The following TSPAN5 variants were observed in gnomAD, a reference collection of about 807,000 sequenced individuals.
The protein encoded by TSPAN5 is tetraspanin 5.
TSPAN5 carries 10 observed loss-of-function variants against 37.1 expected under a neutral mutation model. That is an observed-to-expected ratio of 0.27 (90% CI 0.17 to 0.46). The LOEUF (loss-of-function observed/expected upper bound fraction) is 0.46, where lower values mean the gene tolerates loss of function less well. Ranked by LOEUF, TSPAN5 falls within the 20% of genes least tolerant of loss-of-function variation. The pLI, the probability that TSPAN5 is intolerant of heterozygous loss-of-function variation, is 1.00. For synonymous variants in TSPAN5, 110 were observed against 118.9 expected (o/e 0.93, Z 0.48); for missense variants, 195 against 326.6 (o/e 0.60, Z 3.11).
chr4:98,553,404 A>G (rs551011152), intron 1 of TSPAN5, among the ~76,000 whole-genome samples: 2 of 152,346 alleles, frequency 1.3e-5, no homozygotes, highest in African/African-American at 4.8e-5. Flanking sequence ...ATTACAGAAA[A>G]TTAGAACAAA....
At chr4:98,547,234 G>A (rs185514970) in intron 1 of TSPAN5, among the ~76,000 whole-genome samples, 21 of 152,336 alleles carry the variant, frequency 1.4e-4, no homozygotes, top group Admixed American at 1.4e-3. Context: ...CGCCCAGGAA[G>A]AGGACACTTC....
intron 1 of TSPAN5, among the ~76,000 whole-genome samples, chr4:98,547,702 T>A (rs1001874569): frequency 6.6e-6 from 1 of 152,000 alleles, no homozygotes; most frequent in Non-Finnish European, 1.5e-5. Context: ...TACACATCCT[T>A]ACTCAGGAAA....
At chr4:98,649,837 A>G (rs1187558367) in intron 1 of TSPAN5, among the ~76,000 whole-genome samples, 1 of 152,294 alleles carries the variant, frequency 6.6e-6, no homozygotes, top group Admixed American at 6.5e-5. Context: ...AACGTGTTTC[A>G]TTCTGGTTGC....
intron 1 of TSPAN5, among the ~76,000 whole-genome samples, chr4:98,633,210 A>C (rs1392415296): frequency 6.6e-6 from 1 of 152,236 alleles, no homozygotes; most frequent in Admixed American, 6.5e-5. Flanking sequence ...AAAATGCCTT[A>C]GGGTGGCCTT....
intron 7 of TSPAN5, among the ~76,000 whole-genome samples, chr4:98,475,697 AAC>A (rs1412377814): frequency 1.3e-5 from 2 of 152,206 alleles, no homozygotes; most frequent in East Asian, 3.9e-4. Flanking sequence ...GCTTTAATAA[AAC>A]ACAAATCAGG....
intron 1 of TSPAN5, among the ~76,000 whole-genome samples, chr4:98,642,499 T>C (rs1176802604): frequency 6.6e-6 from 1 of 152,220 alleles, no homozygotes; most frequent in East Asian, 1.9e-4. Flanking sequence ...AAGTTTCATT[T>C]AGTTTGCATA....
rs374894496 is a variant in TSPAN5, at chr4:98,543,471, A to G, written c.82-35743T>C. ...CCCTCTGTCGCCCAGACTAGAGTGC[A>G]GTGGCGTGATCTCGGCTCACCACAA... is the stretch of plus-strand genomic sequence containing the variant. On this transcript the variant is annotated intron_variant, in intron 1 of 7. Transcript: ENST00000305798. Among the ~76,000 whole-genome samples the G allele has an allele frequency of 9.4e-4, 142 of 150,698 alleles. 2 individuals carry two copies. The highest frequency in any genetic ancestry group is 3.3e-3 in the African/African-American group (134 of 40,888).
chr4:98,479,084 G>A (rs1440545230), intron 4 of TSPAN5, among the ~76,000 whole-genome samples: 2 of 152,152 alleles, frequency 1.3e-5, no homozygotes, highest in East Asian at 3.9e-4. Context: ...TGTACAGCAG[G>A]GCTCAGTTAG....
chr4:98,535,611 A>G (rs1425972027), intron 1 of TSPAN5, among the ~76,000 whole-genome samples: 1 of 152,124 alleles, frequency 6.6e-6, no homozygotes, highest in Admixed American at 6.6e-5. Flanking sequence ...CTCCTGGATA[A>G]TATCCTGGAG....
intron 1 of TSPAN5, among the ~76,000 whole-genome samples, chr4:98,525,893 G>A (rs1753950575): frequency 6.6e-6 from 1 of 152,112 alleles, no homozygotes; most frequent in African/African-American, 2.4e-5. Flanking sequence ...AGGACTTACT[G>A]TATCTGTATA....
At chr4:98,548,030 A>G (rs1311153308) in intron 1 of TSPAN5, among the ~76,000 whole-genome samples, 4 of 144,584 alleles carry the variant, frequency 2.8e-5, no homozygotes, top group African/African-American at 1.1e-4. Context: ...AAAAAAAAGA[A>G]AAAGAAAAAG....
intron 4 of TSPAN5, among the ~76,000 whole-genome samples, chr4:98,481,228 T>C (rs1752832002): frequency 6.6e-6 from 1 of 152,196 alleles, no homozygotes; most frequent in Non-Finnish European, 1.5e-5. Context: ...CAGTAGCTAG[T>C]ATTATTTCCA....
chr4:98,540,228 C>T (rs187073126), intron 1 of TSPAN5, among the ~76,000 whole-genome samples: 7 of 152,310 alleles, frequency 4.6e-5, no homozygotes, highest in African/African-American at 1.7e-4. Flanking sequence ...TTCAGTGATC[C>T]AAGTTTCTAC....
chr4:98,539,142 CAA>C (rs36115789), intron 1 of TSPAN5, among the ~76,000 whole-genome samples: 52 of 136,924 alleles, frequency 3.8e-4, no homozygotes, highest in Non-Finnish European at 4.0e-4. Flanking sequence ...TCACCCCCAC[CAA>C]AAAAAAAAAA....
chr4:98,489,224 C>T (rs978786609), intron 2 of TSPAN5, among the ~76,000 whole-genome samples: 2 of 152,162 alleles, frequency 1.3e-5, no homozygotes, highest in African/African-American at 2.4e-5. Flanking sequence ...CTGGATTTCC[C>T]AGGCCGAATA....
intron 1 of TSPAN5, among the ~76,000 whole-genome samples, chr4:98,608,575 G>C (rs1312357644): frequency 2.0e-5 from 3 of 152,070 alleles, no homozygotes; most frequent in Non-Finnish European, 4.4e-5. Flanking sequence ...GGAAGAACGA[G>C]GCCCAGGTCA....
At chr4:98,532,420 G>T (rs1329323256) in intron 1 of TSPAN5, among the ~76,000 whole-genome samples, 42 of 152,094 alleles carry the variant, frequency 2.8e-4, no homozygotes, top group Non-Finnish European at 2.9e-5. Context: ...CTTGTAAGTT[G>T]GATTCCTAGG....
At chr4:98,616,491 AAAAACAAAAC>A (rs1348254836) in intron 1 of TSPAN5, among the ~76,000 whole-genome samples, 2 of 152,156 alleles carry the variant, frequency 1.3e-5, no homozygotes, top group Admixed American at 6.5e-5. Context: ...AGAGCTGTTT[AAAAACAAAAC>A]AAAACAAAAT....
chr4:98,626,120 C>G (rs1184274766), intron 1 of TSPAN5, among the ~76,000 whole-genome samples: 2 of 152,148 alleles, frequency 1.3e-5, no homozygotes, highest in African/African-American at 4.8e-5. Flanking sequence ...CAGGTGAGAT[C>G]TAATGAATGC....
Sources: gnomAD v4.1 joint callset for allele counts (sites outside exome capture counted in the v4.1 genomes callset) on GRCh38, gnomAD v4.1.1 for gene constraint, MANE v1.5 for transcripts, NCBI Gene and HGNC (gene_info 2026-07-23, HGNC 2026-07-21) for gene names.